PRSS23: variants seen among roughly 807,000 people sequenced by gnomAD.
PRSS23 encodes serine protease 23.
Under a neutral mutation model 34.7 loss-of-function variants are expected in PRSS23, and 25 were observed. That is an observed-to-expected ratio of 0.72 (90% CI 0.53 to 1.01). PRSS23 has a LOEUF of 1.01. PRSS23 is among the 50% of genes least tolerant of loss of function. PRSS23 has a pLI of 0.00. For synonymous variants in PRSS23, 176 were observed against 186.6 expected (o/e 0.94, Z 0.46); for missense variants, 445 against 475.6 (o/e 0.94, Z 0.60).
In PRSS23 at chr11:86,808,435, G is replaced by A; in HGVS notation, c.792G>A (p.Gly264=). 2 of 1,614,202 alleles carry A rather than the reference G, an allele frequency of 1.2e-6. No individual in the cohort carries two copies. The highest frequency in any genetic ancestry group is 1.7e-6 in the Non-Finnish European group (2 of 1,180,036). ...KPHKRKFMKI[G]VSPPAKQLPG... ...ACAAGAGAAAATTTATGAAGATTGG[G>A]GTGAGCCCTCCTGCTAAGCAGCTGC... Residue 264 remains glycine (G), a synonymous_variant, in exon 2 of 2, where the codon GGG becomes GGA. Coordinates refer to ENST00000280258, the MANE Select transcript of PRSS23 (RefSeq NM_007173.6).
At chr11:86,939,285 G>A (rs1949185218) in intron 2 of PRSS23, among the ~76,000 whole-genome samples, 2 of 151,208 alleles carry the variant, frequency 1.3e-5, no homozygotes, top group Non-Finnish European at 2.9e-5. Context: ...AAGTTGTTCT[G>A]CCTGTATTCA....
rs1948376267 is a variant in PRSS23 at position 86,833,372 on chromosome 11, G to A, written c.206+9779G>A. 7 of 750,200 alleles carry A rather than the reference G, an allele frequency of 9.3e-6. No homozygotes were observed. In the Admixed American group the frequency reaches 1.3e-4, roughly 13 times the overall value. The allele number at this position is 750,200 out of a possible 1,614,324, so 46.5% of individuals were successfully genotyped here. A position where few individuals can be genotyped will look rare whatever the true frequency, so the allele number is the denominator to read the frequency against. On this transcript the variant is annotated intron_variant, in intron 2 of 2. Transcript: ENST00000533902. ...ATGACTAGGTACATGAACAGGAACA[G>A]CCCAGCGAGGGCCAGCTGCAGTTTT...
chr11:86,836,543 G>A (rs1056436137), intron 2 of PRSS23, among the ~76,000 whole-genome samples: 2 of 152,202 alleles, frequency 1.3e-5, no homozygotes, highest in Non-Finnish European at 1.5e-5. Context: ...TAACAAGGGA[G>A]TGGGGCTTTC....
chr11:86,841,751 A>G (rs542581323), intron 2 of PRSS23, among the ~76,000 whole-genome samples: 3 of 152,358 alleles, frequency 2.0e-5, no homozygotes, highest in East Asian at 3.9e-4. Flanking sequence ...GAATCTCTGA[A>G]TAGACCAATA....
chr11:86,885,558 G>A (rs1379526081), intron 2 of PRSS23, among the ~76,000 whole-genome samples: 3 of 152,218 alleles, frequency 2.0e-5, no homozygotes, highest in Non-Finnish European at 4.4e-5. Context: ...CCAGTCAGTT[G>A]AAGGTCTTAA....
At chr11:86,794,414 C>T (rs548049954) in intron 1 of PRSS23, among the ~76,000 whole-genome samples, 2 of 152,220 alleles carry the variant, frequency 1.3e-5, no homozygotes, top group Admixed American at 6.5e-5. Context: ...GTGCCCAGAG[C>T]ATACAGGAAA....
intron 2 of PRSS23, among the ~76,000 whole-genome samples, chr11:86,918,833 C>G (rs139365689): frequency 6.6e-6 from 1 of 152,164 alleles, no homozygotes. Flanking sequence ...TTGTAATGAG[C>G]GCATATTAAT....
intron 2 of PRSS23, among the ~76,000 whole-genome samples, chr11:86,870,954 T>C (rs1948680709): frequency 6.6e-6 from 1 of 152,258 alleles, no homozygotes; most frequent in Admixed American, 6.5e-5. Context: ...AAAGTCTTTG[T>C]CTGCTAACTC....
At chr11:86,847,044 T>C (rs1948491616) in intron 2 of PRSS23, among the ~76,000 whole-genome samples, 1 of 152,202 alleles carries the variant, frequency 6.6e-6, no homozygotes, top group Non-Finnish European at 1.5e-5. Context: ...GTTTCAACCA[T>C]TTAATAATTG....
chr11:86,829,552 A>C (rs564774509), intron 2 of PRSS23, among the ~76,000 whole-genome samples: 1 of 152,240 alleles, frequency 6.6e-6, no homozygotes, highest in African/African-American at 2.4e-5. Flanking sequence ...CCTTTGGAGG[A>C]GGAGAGGTGC....
At chr11:86,940,547 G>C (rs1402105154) in intron 2 of PRSS23, among the ~76,000 whole-genome samples, 1 of 152,048 alleles carries the variant, frequency 6.6e-6, no homozygotes, top group Non-Finnish European at 1.5e-5. Flanking sequence ...CCACACGGCA[G>C]ACAGAGCAAG....
intron 2 of PRSS23, among the ~76,000 whole-genome samples, chr11:86,929,337 A>AC (rs545676674): frequency 9.0e-4 from 133 of 147,386 alleles, no homozygotes; most frequent in Non-Finnish European, 1.5e-3. Context: ...AAAAAAAACA[A>AC]AAAAAAAAAC....
chr11:86,875,451 C>G (rs928639269), intron 2 of PRSS23, among the ~76,000 whole-genome samples: 5 of 152,148 alleles, frequency 3.3e-5, no homozygotes, highest in Non-Finnish European at 5.9e-5. Context: ...TTTTAAAAAT[C>G]CCTCTTGCCT....
intron 2 of PRSS23, among the ~76,000 whole-genome samples, chr11:86,882,465 T>C (rs1413125204): frequency 1.3e-5 from 2 of 152,192 alleles, no homozygotes; most frequent in Non-Finnish European, 2.9e-5. Flanking sequence ...GGTATTTGGT[T>C]TTCTGTGCCC....
chr11:86,944,521 C>T (rs1590939275), intron 2 of PRSS23, among the ~76,000 whole-genome samples: 1 of 152,190 alleles, frequency 6.6e-6, no homozygotes, highest in East Asian at 1.9e-4. Flanking sequence ...CCTTCTCCAA[C>T]CCCTTTGGGT....
Position 86,859,026 on chromosome 11 carries a change from A to C in PRSS23, c.206+35433A>C, listed in dbSNP as rs542386314. On this transcript the variant is annotated intron_variant, in intron 2 of 2. Transcript: ENST00000533902. Reference sequence around the variant, plus strand: ...TACTCCCAATATCGCAGGGGTGTACACACACCGGTCTAAAATCTAGGGGAG... The same window carrying C: ...TACTCCCAATATCGCAGGGGTGTACCCACACCGGTCTAAAATCTAGGGGAG... 3.9e-5 allele frequency among the ~76,000 whole-genome samples: 6 copies of C among 151,980 alleles called. No individual in the cohort carries two copies. The East Asian group carries it at 1.2e-3, about 30-fold the overall frequency.
intron 2 of PRSS23, among the ~76,000 whole-genome samples, chr11:86,886,437 G>A (rs1294336101): frequency 1.3e-5 from 2 of 152,196 alleles, no homozygotes; most frequent in Non-Finnish European, 2.9e-5. Context: ...GTCCTGTGAA[G>A]TTGCGTGAAG....
intron 2 of PRSS23, among the ~76,000 whole-genome samples, chr11:86,851,420 C>A (rs1422482416): frequency 6.6e-6 from 1 of 152,174 alleles, no homozygotes; most frequent in Non-Finnish European, 1.5e-5. Context: ...GTGAACGTGG[C>A]ATCCACTGGT....
intron 2 of PRSS23, among the ~76,000 whole-genome samples, chr11:86,914,144 T>C (rs2134996558): frequency 6.6e-6 from 1 of 151,832 alleles, no homozygotes; most frequent in African/African-American, 2.4e-5. Flanking sequence ...GAGAATTGCT[T>C]GAACCCAGGA....
Sources: gnomAD v4.1 joint callset for allele counts (sites outside exome capture counted in the v4.1 genomes callset) on GRCh38, gnomAD v4.1.1 for gene constraint, MANE v1.5 for transcripts, NCBI Gene and HGNC (gene_info 2026-07-23, HGNC 2026-07-21) for gene names.